MCU: variants seen among roughly 807,000 people sequenced by gnomAD.
The protein encoded by MCU is calcium uniporter protein, mitochondrial.
Under a neutral mutation model 45.2 loss-of-function variants are expected in MCU, and 12 were observed. The ratio of observed to expected loss-of-function variants is 0.27; its 90% confidence interval spans 0.17 to 0.43. The LOEUF (loss-of-function observed/expected upper bound fraction) is 0.43. Among genes scored for constraint, MCU ranks in the 20% least tolerant of loss-of-function variants. The pLI, the probability that MCU is intolerant of heterozygous loss-of-function variation, is 1.00. For missense variants in MCU, 324 were observed against 436.7 expected (o/e 0.74, Z 2.30); for synonymous variants, 160 against 165.1 (o/e 0.97, Z 0.24).
chr10:72,859,373 C>G, intron 3 of MCU, 26 bp downstream of exon 3: 1 of 1,578,830 alleles, frequency 6.3e-7, no homozygotes, highest in Non-Finnish European at 8.6e-7. Context: ...TTATTAATTA[C>G]CATCTATCCC....
intron 1 of MCU, among the ~76,000 whole-genome samples, chr10:72,764,722 C>A (rs967151036): frequency 6.6e-6 from 1 of 152,008 alleles, no homozygotes; most frequent in East Asian, 1.9e-4. Context: ...ATATGGGCTG[C>A]AGTCTACTCA....
At chr10:72,715,045 C>A in intron 1 of MCU, 1 of 305,320 alleles carries the variant, frequency 3.3e-6, no homozygotes, top group Non-Finnish European at 4.8e-6. Context: ...GCTGAGGTAC[C>A]CACATTAGCA....
intron 4 of MCU, 65 bp downstream of exon 4, chr10:72,860,592 T>G: frequency 7.6e-7 from 1 of 1,314,240 alleles, no homozygotes; most frequent in Non-Finnish European, 1.1e-6. Context: ...AACTTTATTT[T>G]TTTTCCTTGG....
intron 1 of MCU, chr10:72,766,423 C>CT (rs1487329483): frequency 6.6e-6 from 1 of 152,070 alleles, no homozygotes; most frequent in African/African-American, 2.4e-5. Context: ...TTATATATTG[C>CT]TAAGTACAAA....
intron 1 of MCU, among the ~76,000 whole-genome samples, chr10:72,741,922 G>A (rs934384415): frequency 6.6e-6 from 1 of 151,666 alleles, no homozygotes; most frequent in Non-Finnish European, 1.5e-5. Flanking sequence ...CAGCTACTGG[G>A]GAGGCTGAGG....
rs530866738 is a variant in MCU at position 72,865,626 on chromosome 10, G to T, written c.497-3077G>T. Among the ~76,000 whole-genome samples, 3 of 150,316 alleles carry T rather than the reference G, an allele frequency of 2.0e-5. No homozygotes were observed. In the East Asian group the frequency reaches 5.9e-4, roughly 30 times the overall value. On this transcript the variant is annotated intron_variant, in intron 4 of 7. Transcript: ENST00000373053. ...TGTGATCACAGCTCATTGCAGCCCTGACCTCCCAGACTCAAGCAGATCCTC... is the reference window on the plus strand; with the variant it reads ...TGTGATCACAGCTCATTGCAGCCCTTACCTCCCAGACTCAAGCAGATCCTC...
At chr10:72,765,678 C>T (rs1249847798) in intron 1 of MCU, among the ~76,000 whole-genome samples, 2 of 150,548 alleles carry the variant, frequency 1.3e-5, no homozygotes, top group Admixed American at 1.3e-4. Context: ...TCTCTGGTGC[C>T]AGCTACTCCA....
chr10:72,713,633 T>C (rs746540073), intron 1 of MCU, among the ~76,000 whole-genome samples: 15 of 152,162 alleles, frequency 9.9e-5, no homozygotes, highest in Non-Finnish European at 2.1e-4. Flanking sequence ...GAGGAGATAG[T>C]GGTATGTGAA....
At chr10:72,768,279 C>T (rs1843756756) in intron 1 of MCU, among the ~76,000 whole-genome samples, 1 of 152,090 alleles carries the variant, frequency 6.6e-6, no homozygotes, top group South Asian at 2.1e-4. Context: ...TTTTATTAAT[C>T]CATTTTGCCT....
chr10:72,761,689 C>T (rs1292911849), intron 1 of MCU, among the ~76,000 whole-genome samples: 1 of 152,162 alleles, frequency 6.6e-6, no homozygotes, highest in Non-Finnish European at 1.5e-5. Flanking sequence ...TTTTGGGCTA[C>T]AGGTGGTTTG....
chr10:72,808,796 G>A (rs1333166523), intron 1 of MCU, among the ~76,000 whole-genome samples: 1 of 152,176 alleles, frequency 6.6e-6, no homozygotes, highest in South Asian at 2.1e-4. Flanking sequence ...AGAATGTGAA[G>A]GGGGAAGTGC....
intron 1 of MCU, among the ~76,000 whole-genome samples, chr10:72,694,818 G>C (rs185295354): frequency 1.3e-5 from 2 of 152,300 alleles, no homozygotes; most frequent in African/African-American, 4.8e-5. Context: ...TCTTTTCCAA[G>C]TTTCGAGAAT....
chr10:72,765,093 A>G (rs1843706523), intron 1 of MCU, among the ~76,000 whole-genome samples: 1 of 151,810 alleles, frequency 6.6e-6, no homozygotes, highest in Admixed American at 6.6e-5. Context: ...TCTTAAAAAA[A>G]AAAAAAAAAA....
At chr10:72,748,853 A>G (rs947076918) in intron 1 of MCU, among the ~76,000 whole-genome samples, 29 of 152,238 alleles carry the variant, frequency 1.9e-4, no homozygotes, top group Admixed American at 9.2e-4. Context: ...AAACAGGTAA[A>G]CTTTCCATCT....
intron 4 of MCU, among the ~76,000 whole-genome samples, chr10:72,863,199 A>G (rs778485994): frequency 1.3e-5 from 2 of 152,156 alleles, no homozygotes; most frequent in Non-Finnish European, 2.9e-5. Flanking sequence ...CTCTTCCAAT[A>G]AGCCTTTAAT....
At position 72,759,359 on chromosome 10, in the gene MCU, A is replaced by G. The variant is rs558443652; in HGVS notation, c.150+67058A>G. On this transcript the variant is annotated intron_variant, in intron 1 of 7. Coordinates refer to ENST00000373053, the MANE Select transcript of MCU (RefSeq NM_138357.3). The stretch of plus-strand genomic sequence containing the variant: ...ATAGGGATTTTCACAGTGCTTTTCT[A>G]TACAATGTCTGTAATCTATAGATAA... Among the ~76,000 whole-genome samples, 221 of 152,268 alleles carry G rather than the reference A, an allele frequency of 1.5e-3. 2 individuals carry two copies. Among genetic ancestry groups the G allele is most frequent in the African/African-American group, 4.9e-3 (202 of 41,550 alleles).
intron 1 of MCU, among the ~76,000 whole-genome samples, chr10:72,751,126 G>A (rs959671639): frequency 6.6e-6 from 1 of 151,384 alleles, no homozygotes; most frequent in East Asian, 1.9e-4. Context: ...TCAGCCTCCC[G>A]AGTAGCTGGG....
At position 72,832,932 on chromosome 10, in the gene MCU, C is replaced by CTGTGTGTGTG. The variant is rs1399130294; in HGVS notation, c.151-1426_151-1425insGTGTGTGTGT. Among the ~76,000 whole-genome samples, 89 of 57,226 alleles carry CTGTGTGTGTG rather than the reference C, an allele frequency of 1.6e-3. 1 individual carries two copies. The highest frequency in any genetic ancestry group is 0.011 in the Middle Eastern group (1 of 88). The allele number at this position is 57,226 out of a possible 152,430, so 37.5% of individuals were successfully genotyped here. On this transcript the variant is annotated intron_variant, in intron 1 of 7. Coordinates refer to ENST00000373053, the MANE Select transcript of MCU (RefSeq NM_138357.3). Reference sequence around the variant, plus strand: ...TGATACTGTTTTTTGAAACCAATAGCTATGTGTGTGTGTGTGTGTGTGTGT... The same window carrying CTGTGTGTGTG: ...TGATACTGTTTTTTGAAACCAATAGCTGTGTGTGTGTATGTGTGTGTGTGTGTGTGTGTGT...
At chr10:72,766,612 G>A (rs1843730498) in intron 1 of MCU, 1 of 152,116 alleles carries the variant, frequency 6.6e-6, no homozygotes, top group African/African-American at 2.4e-5. Flanking sequence ...GCAGAATCTT[G>A]TGGCGAGGGT....
Sources: gnomAD v4.1 joint callset for allele counts (sites outside exome capture counted in the v4.1 genomes callset) on GRCh38, gnomAD v4.1.1 for gene constraint, MANE v1.5 for transcripts, NCBI Gene and HGNC (gene_info 2026-07-23, HGNC 2026-07-21) for gene names.